BBS9: variants seen among roughly 807,000 people sequenced by gnomAD.
The protein encoded by BBS9 is protein PTHB1.
In BBS9, 89 loss-of-function variants were observed where a neutral mutation model predicts 117.7. The ratio of observed to expected loss-of-function variants is 0.76; its 90% confidence interval spans 0.64 to 0.90. BBS9 has a LOEUF of 0.90. Among genes scored for constraint, BBS9 ranks in the 40% least tolerant of loss-of-function variants. The pLI is 0.00. For synonymous variants in BBS9, 379 were observed against 370.9 expected, an observed-to-expected ratio of 1.02 and a Z score of -0.25; for missense variants, 982 against 1,042.2, an observed-to-expected ratio of 0.94 and a Z score of 0.80.
At chr7:33,292,983 G>A (rs1484744633) in intron 9 of BBS9, among the ~76,000 whole-genome samples, 3 of 148,700 alleles carry the variant, frequency 2.0e-5, no homozygotes, top group South Asian at 2.1e-4. Flanking sequence ...TCCAGCCTGG[G>A]CAACAGAGTG....
intron 19 of BBS9, among the ~76,000 whole-genome samples, chr7:33,413,465 A>C (rs1030590885): frequency 1.6e-4 from 25 of 152,296 alleles, no homozygotes; most frequent in African/African-American, 6.0e-4. Flanking sequence ...TAATTTTATG[A>C]GTTGATGCGG....
At chr7:33,157,028 G>A (rs1218951710) in intron 4 of BBS9, among the ~76,000 whole-genome samples, 1 of 152,158 alleles carries the variant, frequency 6.6e-6, no homozygotes, top group Non-Finnish European at 1.5e-5. Flanking sequence ...AGGAGAATTT[G>A]CCTACAGTTA....
intron 12 of BBS9, chr7:33,346,514 C>T (rs1584430953): frequency 5.7e-6 from 1 of 175,096 alleles, no homozygotes; most frequent in African/African-American, 2.4e-5. Context: ...TATATTTTCT[C>T]CTTAATATTC....
intron 1 of BBS9, among the ~76,000 whole-genome samples, chr7:33,130,875 C>T (rs1328117471): frequency 6.6e-6 from 1 of 152,028 alleles, no homozygotes; most frequent in Admixed American, 6.6e-5. Context: ...TACAACTATA[C>T]ACTTATATTT....
At chr7:33,230,723 T>G (rs891911047) in intron 5 of BBS9, among the ~76,000 whole-genome samples, 31 of 152,162 alleles carry the variant, frequency 2.0e-4, no homozygotes, top group Non-Finnish European at 2.6e-4. Context: ...GGCCTCCATT[T>G]CCAATGAAGT....
At chr7:33,196,622 A>G (rs923219605) in intron 5 of BBS9, among the ~76,000 whole-genome samples, 1 of 152,194 alleles carries the variant, frequency 6.6e-6, no homozygotes, top group Non-Finnish European at 1.5e-5. Context: ...GTAATGTTAG[A>G]GAAGAATCTC....
intron 21 of BBS9, among the ~76,000 whole-genome samples, chr7:33,589,841 A>G (rs1024067541): frequency 4.6e-5 from 7 of 152,156 alleles, no homozygotes; most frequent in Non-Finnish European, 1.0e-4. Context: ...CAGCATGAAA[A>G]TGTTACTTTA....
At chr7:33,308,863 C>A (rs1268882875) in intron 9 of BBS9, among the ~76,000 whole-genome samples, 3 of 152,174 alleles carry the variant, frequency 2.0e-5, no homozygotes, top group African/African-American at 4.8e-5. Flanking sequence ...GAGCCACCAA[C>A]TATACACATA....
At chr7:33,284,283 T>C (rs1802467091) in intron 9 of BBS9, among the ~76,000 whole-genome samples, 1 of 152,160 alleles carries the variant, frequency 6.6e-6, no homozygotes, top group Admixed American at 6.6e-5. Flanking sequence ...ATTTCCTTTT[T>C]TTGGGAGGTG....
intron 3 of BBS9, 136 bp downstream of exon 3, chr7:33,152,987 A>G: frequency 1.1e-6 from 1 of 934,550 alleles, no homozygotes. Flanking sequence ...GGGGTTTCTC[A>G]CGTATGGAAT....
rs113115731 is a variant in BBS9, at chr7:33,275,772, C to T, written c.1016+1816C>T. On this transcript the variant is annotated intron_variant, in intron 9 of 22. Coordinates refer to ENST00000242067, the MANE Select transcript of BBS9 (RefSeq NM_198428.3). ...AGGGATGTACCCATTTCAGGAGTCA[C>T]CATACTGAGAAAAGTGCAAAGGTAT... Among the ~76,000 whole-genome samples, 18 of 152,246 alleles carry T rather than the reference C, an allele frequency of 1.2e-4. 1 individual carries two copies. The highest frequency in any genetic ancestry group is 4.3e-4 in the African/African-American group (18 of 41,542).
intron 19 of BBS9, among the ~76,000 whole-genome samples, chr7:33,414,516 G>A (rs1422360145): frequency 1.3e-5 from 2 of 152,076 alleles, no homozygotes; most frequent in African/African-American, 4.8e-5. Flanking sequence ...CTCTTTGTGT[G>A]TATACATGCA....
chr7:33,559,643 C>T (rs1051976867), intron 21 of BBS9, among the ~76,000 whole-genome samples: 8 of 152,118 alleles, frequency 5.3e-5, no homozygotes, highest in African/African-American at 1.9e-4. Context: ...AAATATGCTG[C>T]CAGCTGAGTT....
At chr7:33,274,019 T>G in intron 9 of BBS9, 63 bp downstream of exon 9, 1 of 1,551,210 alleles carries the variant, frequency 6.4e-7, no homozygotes, top group Non-Finnish European at 8.9e-7. Flanking sequence ...TTCTAGAAGT[T>G]CTATGAAATA....
intron 9 of BBS9, among the ~76,000 whole-genome samples, chr7:33,296,029 C>T (rs1020547142): frequency 2.0e-5 from 3 of 151,986 alleles, no homozygotes; most frequent in African/African-American, 7.2e-5. Flanking sequence ...TTTCAATGGC[C>T]TATTAATCAC....
intron 9 of BBS9, among the ~76,000 whole-genome samples, chr7:33,314,812 G>A (rs2128561145): frequency 6.6e-6 from 1 of 152,262 alleles, no homozygotes; most frequent in Non-Finnish European, 1.5e-5. Context: ...ACATTTTATA[G>A]ATGCTATTAT....
At chr7:33,503,382 T>G (rs1845714204) in intron 19 of BBS9, among the ~76,000 whole-genome samples, 1 of 152,200 alleles carries the variant, frequency 6.6e-6, no homozygotes, top group Admixed American at 6.5e-5. Flanking sequence ...TTGAAGGCAC[T>G]GATACCTGTA....
intron 1 of BBS9, among the ~76,000 whole-genome samples, chr7:33,138,296 A>AT (rs11423938): frequency 0.17 from 24,826 of 148,994 alleles, 2,503 homozygotes; most frequent in East Asian, 0.25. Context: ...TTGAAAAATG[A>AT]TTTTTTTTAA....
chr7:33,598,814 G>A (rs1006514137), intron 21 of BBS9, among the ~76,000 whole-genome samples: 2 of 152,192 alleles, frequency 1.3e-5, no homozygotes, highest in African/African-American at 4.8e-5. Context: ...AGTGTTAAAT[G>A]CCTCTAGGAA....
Sources: gnomAD v4.1 joint callset for allele counts (sites outside exome capture counted in the v4.1 genomes callset) on GRCh38, gnomAD v4.1.1 for gene constraint, MANE v1.5 for transcripts, NCBI Gene and HGNC (gene_info 2026-07-23, HGNC 2026-07-21) for gene names.